EED: variants seen among roughly 807,000 people sequenced by gnomAD.
EED encodes polycomb protein EED.
In EED, 9 loss-of-function variants were observed where a neutral mutation model predicts 61.0. The observed-to-expected ratio is 0.15, with a 90% CI of 0.09 to 0.26. The LOEUF (loss-of-function observed/expected upper bound fraction) is 0.26, where lower values mean the gene tolerates loss of function less well. Among genes scored for constraint, EED ranks in the 10% least tolerant of loss-of-function variants. The pLI, the probability that EED is intolerant of heterozygous loss-of-function variation, is 1.00. For synonymous variants in EED, 187 were observed against 174.4 expected (o/e 1.07, Z -0.57); for missense variants, 315 against 542.3 (o/e 0.58, Z 4.16).
At position 86,244,938 on chromosome 11, in the gene EED, T is replaced by C; in HGVS notation, c.-292T>C. The C allele has an allele frequency of 2.7e-6, 1 of 376,386 alleles. No individual in the cohort carries two copies. The highest frequency in any genetic ancestry group is 4.8e-6 in the Non-Finnish European group (1 of 207,672). 23.3% of individuals were successfully genotyped at this position (376,386 alleles called of 1,614,324 possible). A position where few individuals can be genotyped will look rare whatever the true frequency, so the allele number is the denominator to read the frequency against. ...CCCTCTTAATCCAACGGACCTTACA[T>C]CGTGTAGACTGCCGGGAGGGCGGCG... On this transcript the variant is annotated 5_prime_UTR_variant, in exon 1 of 12. Transcript: ENST00000263360.
chr11:86,271,917 C>T (rs1450423506), intron 9 of EED, among the ~76,000 whole-genome samples: 14 of 144,332 alleles, frequency 9.7e-5, no homozygotes, highest in South Asian at 6.6e-4. Flanking sequence ...TGTCTGTATT[C>T]GTGAGGTATG....
chr11:86,258,222 C>G (rs1284397852), intron 6 of EED, among the ~76,000 whole-genome samples: 1 of 152,040 alleles, frequency 6.6e-6, no homozygotes, highest in Non-Finnish European at 1.5e-5. Flanking sequence ...GTTAGCATAT[C>G]CAAATCATTT....
intron 9 of EED, among the ~76,000 whole-genome samples, chr11:86,269,698 G>A (rs1050218092): frequency 1.3e-4 from 20 of 152,220 alleles, no homozygotes; most frequent in Admixed American, 6.5e-4. Context: ...CTGGTACAAT[G>A]TGTGTGTTTA....
chr11:86,285,595 A>C, the EED span, among the ~76,000 whole-genome samples: 1 of 152,030 alleles, frequency 6.6e-6, no homozygotes, highest in South Asian at 2.1e-4. Flanking sequence ...CATATTGTGT[A>C]ATGATCATTT....
downstream of EED, among the ~76,000 whole-genome samples, chr11:86,280,104 T>C (rs533253628): frequency 3.9e-5 from 6 of 152,308 alleles, no homozygotes; most frequent in African/African-American, 1.4e-4. Flanking sequence ...TTTAATTTTT[T>C]TGGAGACAGT....
chr11:86,262,638 G>A (rs1410741920), intron 6 of EED, among the ~76,000 whole-genome samples: 1 of 151,892 alleles, frequency 6.6e-6, no homozygotes, highest in Non-Finnish European at 1.5e-5. Flanking sequence ...AGCCTCCCGA[G>A]TAGCTGGGAC....
At position 86,256,480 on chromosome 11, in the gene EED, A is replaced by G. The variant is rs1451703523; in HGVS notation, c.520A>G (p.Ile174Val). The G allele has an allele frequency of 1.9e-6, 3 of 1,611,548 alleles. No homozygotes were observed. The highest frequency in any genetic ancestry group is 2.5e-6 in the Non-Finnish European group (3 of 1,178,352). Reference protein sequence around the residue: ...AVAGSRGIIRIINPITMQCIK... With the variant: ...AVAGSRGIIRVINPITMQCIK... ...AGCTGGATCTAGAGGCATAATTAGG[A>G]TAATAAATCCTATAACAATGCAGTG... The change falls in exon 5 of 12, where the codon ATA (isoleucine) becomes GTA (valine). Residue 174 changes from isoleucine (I) to valine (V), a missense_variant. By Grantham distance (29) the Ile-to-Val change is conservative. Around this residue, in one of 2 missense-constraint regions of EED, gnomAD observed 205 missense variants for 455.4 expected, o/e 0.45. Transcript: ENST00000263360.
At position 86,278,538 on chromosome 11, in the gene EED, T is replaced by A; in HGVS notation, c.*13T>A. The A allele has an allele frequency of 1.9e-6, 3 of 1,611,920 alleles. No homozygotes were observed. The highest frequency in any genetic ancestry group is 2.5e-6 in the Non-Finnish European group (3 of 1,179,014). ...TCGACTTCGATAAAATACTTTTGCC[T>A]AATCAAAATTAGAGTGTGTTTGTTG... On this transcript the variant is annotated 3_prime_UTR_variant, in exon 12 of 12. Coordinates refer to ENST00000263360, the MANE Select transcript of EED (RefSeq NM_003797.5).
At chr11:86,254,783 C>A (rs564227351) in intron 3 of EED, among the ~76,000 whole-genome samples, 2 of 152,082 alleles carry the variant, frequency 1.3e-5, no homozygotes, top group Admixed American at 6.5e-5. Context: ...CCACCACGCT[C>A]AGCTAATTTT....
Position 86,244,938 on chromosome 11 carries a change from T to A in EED, c.-292T>A, listed in dbSNP as rs1945344840. 1 of 376,266 alleles carries A rather than the reference T, an allele frequency of 2.7e-6. No individual in the cohort carries two copies. Among genetic ancestry groups the A allele is most frequent in the Non-Finnish European group, 4.8e-6 (1 of 207,680 alleles). 23.3% of individuals were successfully genotyped at this position (376,266 alleles called of 1,614,324 possible). A position where few individuals can be genotyped will look rare whatever the true frequency, so the allele number is the denominator to read the frequency against. Reference sequence around the variant, plus strand: ...CCCTCTTAATCCAACGGACCTTACATCGTGTAGACTGCCGGGAGGGCGGCG... The same window carrying A: ...CCCTCTTAATCCAACGGACCTTACAACGTGTAGACTGCCGGGAGGGCGGCG... On this transcript the variant is annotated 5_prime_UTR_variant, in exon 1 of 12. Transcript: ENST00000263360.
At chr11:86,274,863 G>A (rs1946192868) in intron 9 of EED, among the ~76,000 whole-genome samples, 1 of 152,216 alleles carries the variant, frequency 6.6e-6, no homozygotes, top group Non-Finnish European at 1.5e-5. Flanking sequence ...GTAGGCACTT[G>A]GGGTGCTTAG....
chr11:86,244,793 G>C lies in EED; in HGVS notation c.-437G>C, dbSNP rs1352858097. The C allele has an allele frequency of 2.6e-5, 6 of 234,046 alleles. No homozygotes were observed. The highest frequency in any genetic ancestry group is 5.1e-5 in the Non-Finnish European group (6 of 118,340). The allele number at this position is 234,046 out of a possible 1,614,324, so 14.5% of individuals were successfully genotyped here. A position where few individuals can be genotyped will look rare whatever the true frequency, so the allele number is the denominator to read the frequency against. ...GCTCCCTAGCAGCGGGTCGGAGATC[G>C]AAGGAACGGGCCAATTGCGGCTGAA... On this transcript the variant is annotated 5_prime_UTR_variant, in exon 1 of 12. Transcript: ENST00000263360.
At chr11:86,280,485 C>G (rs1188890641), downstream of EED, among the ~76,000 whole-genome samples, 1 of 152,150 alleles carries the variant, frequency 6.6e-6, no homozygotes, top group Non-Finnish European at 1.5e-5. Context: ...CACCAGTTAT[C>G]TCATTAGCCT....
At chr11:86,267,303 G>A (rs1946003697) in intron 8 of EED, among the ~76,000 whole-genome samples, 1 of 152,112 alleles carries the variant, frequency 6.6e-6, no homozygotes, top group African/African-American at 2.4e-5. Flanking sequence ...AATTTGAATT[G>A]GAAGGATTGT....
Position 86,245,248 on chromosome 11 carries a change from T to C in EED, c.19T>C (p.Ser7Pro), listed in dbSNP as rs1452371993. MSEREV[S>P]TAPAGTDMPA... Reference sequence around the variant, plus strand: ...GAGGAATATGTCCGAGAGGGAAGTGTCGACTGCGCCGGCGGGAACAGACAT... The same window carrying C: ...GAGGAATATGTCCGAGAGGGAAGTGCCGACTGCGCCGGCGGGAACAGACAT... The change falls in exon 1 of 12, where the codon TCG becomes CCG. Residue 7 changes from serine (S) to proline (P), a missense_variant. Physicochemically the swap from Ser to Pro is moderately conservative, Grantham distance 74 (BLOSUM62 -1). Around this residue, in one of 2 missense-constraint regions of EED, gnomAD observed 110 missense variants for 86.9 expected, o/e 1.27. Transcript: ENST00000263360. 1.9e-6 allele frequency: 3 copies of C among 1,612,622 alleles called. No individual in the cohort carries two copies. Among genetic ancestry groups the C allele is most frequent in the African/African-American group, 2.7e-5 (2 of 74,624 alleles).
intron 9 of EED, among the ~76,000 whole-genome samples, chr11:86,274,597 T>C (rs1946187268): frequency 6.6e-6 from 1 of 152,172 alleles, no homozygotes; most frequent in Non-Finnish European, 1.5e-5. Flanking sequence ...GTGTTGGTGC[T>C]TCATTACTGC....
At chr11:86,254,654 G>A (rs1292184544) in intron 3 of EED, among the ~76,000 whole-genome samples, 2 of 141,300 alleles carry the variant, frequency 1.4e-5, no homozygotes, top group African/African-American at 2.7e-5. Context: ...ACAGAGTTTC[G>A]CTTTTGTTGC....
Position 86,245,286 on chromosome 11 carries a change from G to A in EED, c.57G>A (p.Lys19=). Residue 19 remains lysine (K), a synonymous_variant, in exon 1 of 12, where the codon AAG becomes AAA. Transcript: ENST00000263360. ...CGGGAACAGACATGCCTGCGGCCAA[G>A]AAGCAGAAGCTGAGCAGTGACGAGA... ...APAGTDMPAA[K]KQKLSSDENS... 1.9e-6 allele frequency: 3 copies of A among 1,613,606 alleles called. No individual in the cohort carries two copies. The highest frequency in any genetic ancestry group is 2.5e-6 in the Non-Finnish European group (3 of 1,179,976).
chr11:86,255,287 T>G lies in EED; in HGVS notation c.426T>G (p.Asp142Glu). 1 of 1,606,304 alleles carries G rather than the reference T, an allele frequency of 6.2e-7. No individual in the cohort carries two copies. The highest frequency in any genetic ancestry group is 8.5e-7 in the Non-Finnish European group (1 of 1,174,168). ...IRLLQSYVDA[D>E]ADENFYTCAW... ...TGTTGCAATCTTACGTGGATGCTGA[T>G]GTATCCTTTCCTGGGTTTTTAATAT... The change falls in exon 4 of 12, where the codon GAT (aspartate) becomes GAG (glutamate). Residue 142 changes from aspartate to glutamate, a missense_variant and splice_region_variant. Asp to Glu is a conservative substitution (Grantham distance 45). This residue lies in a region of EED where 205 missense variants were observed against 455.4 expected (regional missense o/e 0.45). Coordinates refer to ENST00000263360, the MANE Select transcript of EED (RefSeq NM_003797.5).
Sources: gnomAD v4.1 joint callset for allele counts (sites outside exome capture counted in the v4.1 genomes callset) on GRCh38, gnomAD v4.1.1 for gene constraint, gnomAD v4.1.1 regional missense constraint, MANE v1.5 for transcripts, NCBI Gene and HGNC (gene_info 2026-07-23, HGNC 2026-07-21) for gene names.